The following TBC1D5 variants were observed in gnomAD, a reference collection of about 807,000 sequenced individuals.
TBC1D5 encodes the protein TBC1 domain family member 5.
A neutral mutation model predicts 100.3 loss-of-function variants in TBC1D5; 75 were observed. The ratio of observed to expected loss-of-function variants is 0.75; its 90% CI spans 0.62 to 0.91. TBC1D5 has a LOEUF of 0.91. TBC1D5 is among the 40% of genes least tolerant of loss of function. The pLI is 0.00. For missense variants in TBC1D5, 910 were observed against 942.4 expected, an observed-to-expected ratio of 0.97 and a Z score of 0.45; for synonymous variants, 323 against 325.6, an observed-to-expected ratio of 0.99 and a Z score of 0.09.
intron 1 of TBC1D5, among the ~76,000 whole-genome samples, chr3:17,635,484 C>T (rs1338485511): frequency 1.3e-5 from 2 of 151,950 alleles, no homozygotes; most frequent in Non-Finnish European, 2.9e-5. Context: ...GGTTTGAAAC[C>T]GTCCTGACCA....
At chr3:17,706,225 G>A in intron 1 of TBC1D5, 3 of 1,549,378 alleles carry the variant, frequency 1.9e-6, no homozygotes, top group African/African-American at 2.7e-5. Context: ...AGGCTGTGGA[G>A]GCGGCGGCCA....
chr3:17,422,423 G>A (rs1018475338), intron 4 of TBC1D5, among the ~76,000 whole-genome samples: 1 of 151,312 alleles, frequency 6.6e-6, no homozygotes, highest in Admixed American at 6.6e-5. Context: ...CTGACTTCAA[G>A]TGATCCACCC....
intron 9 of TBC1D5, among the ~76,000 whole-genome samples, chr3:17,380,045 A>ATG (rs3041142): frequency 0.16 from 17,693 of 111,892 alleles, 1,213 homozygotes; most frequent in Middle Eastern, 0.21. Context: ...GTGACTGTGT[A>ATG]TGTGTGTGTG....
At chr3:17,539,129 T>A (rs1252934856) in intron 2 of TBC1D5, among the ~76,000 whole-genome samples, 1 of 152,066 alleles carries the variant, frequency 6.6e-6, no homozygotes, top group African/African-American at 2.4e-5. Flanking sequence ...GAGGCTGCAA[T>A]AAGCCAAGAT....
chr3:17,727,871 A>G (rs2076247980), intron 1 of TBC1D5, among the ~76,000 whole-genome samples: 1 of 152,252 alleles, frequency 6.6e-6, no homozygotes. Flanking sequence ...TCGCTTATGA[A>G]TGACTATGGC....
In TBC1D5 at chr3:17,503,630, A is replaced by T. The variant is rs954360118; in HGVS notation, c.97+4844T>A. Among the ~76,000 whole-genome samples, 5 of 149,684 alleles carry T rather than the reference A, an allele frequency of 3.3e-5. 1 individual carries two copies. The highest frequency in any genetic ancestry group is 1.3e-4 in the African/African-American group (5 of 39,454). On this transcript the variant is annotated intron_variant, in intron 3 of 21. Coordinates refer to ENST00000253692, the Ensembl canonical transcript of TBC1D5. ...TCATATTTCATACAAAAAACAAACAATATTTGCTATATACCACGTTAGTAA... is the reference window on the plus strand; with the variant it reads ...TCATATTTCATACAAAAAACAAACATTATTTGCTATATACCACGTTAGTAA...
intron 2 of TBC1D5, among the ~76,000 whole-genome samples, chr3:17,534,922 TC>T (rs2096268108): frequency 6.6e-6 from 1 of 152,196 alleles, no homozygotes; most frequent in Non-Finnish European, 1.5e-5. Context: ...TTTTCTTTAA[TC>T]AAGTAAAGCT....
rs537032441 is a variant in TBC1D5 at position 17,689,785 on chromosome 3, C to T, written c.-101+49558G>A. ...ATGTCTAGAAAAACTTTAGGTTGTT[C>T]CAAATGAGAAATATAACTTGCATCT... On this transcript the variant is annotated intron_variant, in intron 1 of 21. Transcript: ENST00000253692. Among the ~76,000 whole-genome samples, 3 of 152,150 alleles carry T rather than the reference C, an allele frequency of 2.0e-5. No individual in the cohort carries two copies. In the East Asian group the frequency reaches 5.8e-4, roughly 29 times the overall value.
At chr3:17,188,218 C>G (rs140828169) in intron 18 of TBC1D5, among the ~76,000 whole-genome samples, 14 of 152,204 alleles carry the variant, frequency 9.2e-5, no homozygotes, top group African/African-American at 3.4e-4. Context: ...ATGGGGAAGT[C>G]CTAAGAGTGT....
rs139480765 is a variant in TBC1D5, at chr3:17,677,982, C to T, written c.-100-54069G>A. Reference sequence around the variant, plus strand: ...TGGACACAGGAAGGGGAACACCACACACCGGGGCCTGTTGTGGGGTAGGGG... The same window carrying T: ...TGGACACAGGAAGGGGAACACCACATACCGGGGCCTGTTGTGGGGTAGGGG... On this transcript the variant is annotated intron_variant, in intron 1 of 21. Coordinates refer to ENST00000253692, the Ensembl canonical transcript of TBC1D5. Among the ~76,000 whole-genome samples the T allele has an allele frequency of 2.6e-4, 40 of 152,206 alleles. No homozygotes were observed. The East Asian group carries it at 6.6e-3, about 25-fold the overall frequency.
intron 2 of TBC1D5, among the ~76,000 whole-genome samples, chr3:17,538,398 G>A (rs2096307886): frequency 6.6e-6 from 1 of 152,066 alleles, no homozygotes; most frequent in Non-Finnish European, 1.5e-5. Context: ...AACTCCTCAA[G>A]TGAACACGTG....
At chr3:17,434,328 T>C (rs1474513099) in intron 3 of TBC1D5, among the ~76,000 whole-genome samples, 1 of 152,208 alleles carries the variant, frequency 6.6e-6, no homozygotes, top group African/African-American at 2.4e-5. Flanking sequence ...TGTTTCCATA[T>C]ATCATCTGAA....
chr3:17,447,246 A>T (rs1208938717), intron 3 of TBC1D5, among the ~76,000 whole-genome samples: 1 of 152,218 alleles, frequency 6.6e-6, no homozygotes, highest in African/African-American at 2.4e-5. Context: ...TGCTCAGAAA[A>T]CGAGAATAAA....
chr3:17,459,410 A>G (rs2095157991), intron 3 of TBC1D5, among the ~76,000 whole-genome samples: 1 of 152,184 alleles, frequency 6.6e-6, no homozygotes, highest in Non-Finnish European at 1.5e-5. Flanking sequence ...CAGGAGGCAG[A>G]GCTCTGGTAG....
chr3:17,211,660 G>A (rs1169244153), intron 18 of TBC1D5, among the ~76,000 whole-genome samples: 2 of 152,148 alleles, frequency 1.3e-5, no homozygotes, highest in Non-Finnish European at 2.9e-5. Context: ...ACTGACTTAA[G>A]GTTCAGCTTT....
chr3:17,256,567 T>G lies in TBC1D5; in HGVS notation c.1331+1939A>C, dbSNP rs540859431. Reference sequence around the variant, plus strand: ...GAAAATCATGAAGGGGAGAAAATAATGGGTACAATACATTTCCTGTGGTGG... The same window carrying G: ...GAAAATCATGAAGGGGAGAAAATAAGGGGTACAATACATTTCCTGTGGTGG... On this transcript the variant is annotated intron_variant, in intron 16 of 21. Coordinates refer to ENST00000253692, the Ensembl canonical transcript of TBC1D5. Among the ~76,000 whole-genome samples, 19 of 151,662 alleles carry G rather than the reference T, an allele frequency of 1.3e-4. No homozygotes were observed. The East Asian group carries it at 3.7e-3, about 29-fold the overall frequency.
At chr3:17,268,240 A>G (rs908692815) in intron 15 of TBC1D5, among the ~76,000 whole-genome samples, 2 of 152,128 alleles carry the variant, frequency 1.3e-5, no homozygotes, top group African/African-American at 4.8e-5. Flanking sequence ...AATATTTTTA[A>G]TCAATAATCT....
chr3:17,494,026 T>C (rs942418721), intron 3 of TBC1D5, among the ~76,000 whole-genome samples: 9 of 152,214 alleles, frequency 5.9e-5, no homozygotes, highest in African/African-American at 2.2e-4. Context: ...TTCAGCGTTT[T>C]TGCGCTTATT....
chr3:17,479,518 T>C (rs544764387), intron 3 of TBC1D5, among the ~76,000 whole-genome samples: 4 of 152,308 alleles, frequency 2.6e-5, no homozygotes, highest in Non-Finnish European at 4.4e-5. Flanking sequence ...GAAAACTATC[T>C]GATAAATGGA....
Sources: gnomAD v4.1 joint callset for allele counts (sites outside exome capture counted in the v4.1 genomes callset) on GRCh38, gnomAD v4.1.1 for gene constraint, MANE v1.5 for transcripts, NCBI Gene and HGNC (gene_info 2026-07-23, HGNC 2026-07-21) for gene names.